TRMT6: variants seen among roughly 807,000 people sequenced by gnomAD.
TRMT6 encodes tRNA (adenine(58)-N(1))-methyltransferase non-catalytic subunit TRM6.
TRMT6 carries 34 observed loss-of-function variants against 59.0 expected under a neutral mutation model. The ratio of observed to expected loss-of-function variants is 0.58; its 90% confidence interval spans 0.44 to 0.77. The LOEUF (loss-of-function observed/expected upper bound fraction) is 0.77. Ranked by LOEUF, TRMT6 falls within the 30% of genes least tolerant of loss-of-function variation. The probability of loss-of-function intolerance (pLI) is 0.00; values close to 1 mark genes in which losing one functional copy is unlikely to be tolerated. For missense variants in TRMT6, 575 were observed against 604.5 expected (o/e 0.95, Z 0.51); for synonymous variants, 217 against 210.5 (o/e 1.03, Z -0.27).
In TRMT6 at chr20:5,943,942, G is replaced by T; in HGVS notation, c.542+6C>A. On this transcript the variant is annotated splice_donor_region_variant and intron_variant, in intron 5 of 10. Transcript: ENST00000203001. ...AATTATACTTTTGAAAGGAAACAAA[G>T]CGTACTTAATTTTTCCAGGTTCTCT... The T allele has an allele frequency of 1.2e-6, 2 of 1,603,650 alleles. No homozygotes were observed. Among genetic ancestry groups the T allele is most frequent in the Non-Finnish European group, 1.7e-6 (2 of 1,177,010 alleles).
intron 9 of TRMT6, 33 bp downstream of exon 9, chr20:5,941,210 T>C (rs2088652774): frequency 6.2e-7 from 1 of 1,608,402 alleles, no homozygotes; most frequent in African/African-American, 1.3e-5. Context: ...CATTCAGACA[T>C]AAGAATTCCT....
chr20:5,941,858 A>T, intron 8 of TRMT6, 93 bp downstream of exon 8: 1 of 1,114,502 alleles, frequency 9.0e-7, no homozygotes, highest in Non-Finnish European at 1.3e-6. Flanking sequence ...GTCCCACTAG[A>T]GTCAAAGCAG....
At chr20:5,941,527 G>C in intron 8 of TRMT6, 182 bp from the exon 9 acceptor site, 1 of 596,008 alleles carries the variant, frequency 1.7e-6, no homozygotes, top group African/African-American at 1.9e-5. Context: ...TCTAGGAAAC[G>C]CGAACTAGGT....
chr20:5,940,448 T>C (rs1452900507), intron 10 of TRMT6, among the ~76,000 whole-genome samples: 2 of 152,100 alleles, frequency 1.3e-5, no homozygotes, highest in Non-Finnish European at 2.9e-5. Context: ...CTTGGGGAAA[T>C]AAGAACCATA....
At chr20:5,944,985 T>A (rs550320793) in intron 2 of TRMT6, 71 bp from the exon 3 acceptor site, 5 of 1,238,978 alleles carry the variant, frequency 4.0e-6, no homozygotes, top group African/African-American at 1.5e-5. Flanking sequence ...TCTGAGTTCA[T>A]ATCCACATCC....
intron 1 of TRMT6, among the ~76,000 whole-genome samples, chr20:5,948,346 G>C (rs1324930483): frequency 6.6e-6 from 1 of 152,182 alleles, no homozygotes; most frequent in Non-Finnish European, 1.5e-5. Flanking sequence ...ACTTCTCAGA[G>C]AGCCTGGACT....
At chr20:5,948,205 A>G (rs2088724560) in intron 1 of TRMT6, among the ~76,000 whole-genome samples, 1 of 152,166 alleles carries the variant, frequency 6.6e-6, no homozygotes, top group African/African-American at 2.4e-5. Flanking sequence ...TGTGATATGC[A>G]GAGGGGATGA....
At chr20:5,938,821 G>A (rs2088630999) in intron 10 of TRMT6, 95 bp from the exon 11 acceptor site, 1 of 1,109,444 alleles carries the variant, frequency 9.0e-7, no homozygotes, top group South Asian at 1.9e-5. Flanking sequence ...AACAACACAG[G>A]TTCTCTTGAT....
intron 2 of TRMT6, 53 bp downstream of exon 2, chr20:5,946,353 G>A (rs1568559992): frequency 1.2e-6 from 2 of 1,611,488 alleles, no homozygotes; most frequent in East Asian, 2.2e-5. Context: ...AGGCTGAGAT[G>A]TTTCTGACTA....
At chr20:5,947,136 A>G (rs2088714643) in intron 1 of TRMT6, among the ~76,000 whole-genome samples, 1 of 152,208 alleles carries the variant, frequency 6.6e-6, no homozygotes, top group South Asian at 2.1e-4. Flanking sequence ...GAGCAATCCG[A>G]GGCCCAGGGA....
In TRMT6 at chr20:5,941,106, T is replaced by A; in HGVS notation, c.1249A>T (p.Arg417Trp). The A allele has an allele frequency of 1.9e-6, 3 of 1,614,126 alleles. No homozygotes were observed. Among genetic ancestry groups the A allele is most frequent in the Non-Finnish European group, 2.5e-6 (3 of 1,180,012 alleles). Residue 417 changes from arginine (R) to tryptophan (W), a missense_variant, in exon 10 of 11, where the codon AGG becomes TGG. Arg to Trp is a moderately radical substitution (Grantham distance 101). Transcript: ENST00000203001. Reference protein sequence around the residue: ...LLECYTKLRERGGVINLRLSE... With the variant: ...LLECYTKLREWGGVINLRLSE... ...AGCCTGAGGTTGATGACCCCTCCCC[T>A]CTCCCGCAGTTTTGTGTAGCATTCC... is the stretch of plus-strand genomic sequence containing the variant.
At chr20:5,941,425 C>T in intron 8 of TRMT6, 80 bp from the exon 9 acceptor site, 1 of 1,007,500 alleles carries the variant, frequency 9.9e-7, no homozygotes, top group Non-Finnish European at 1.5e-6. Context: ...TTAAAATGAT[C>T]ATGTATTTAA....
At chr20:5,938,896 T>C (rs2088632107) in intron 10 of TRMT6, among the ~76,000 whole-genome samples, 170 bp from the exon 11 acceptor site, 1 of 140,412 alleles carries the variant, frequency 7.1e-6, no homozygotes, top group Non-Finnish European at 1.6e-5. Context: ...TCTCCCTTCC[T>C]TCCTTCCTTC....
chr20:5,943,646 A>G lies in TRMT6; in HGVS notation c.580T>C (p.Leu194=), dbSNP rs768434354. The change falls in exon 6 of 11, where the codon TTG becomes CTG. Residue 194 remains leucine (L), a synonymous_variant. Transcript: ENST00000203001. ...RYDTLAQMLT[L]GNIRAGNKMI... ...TTGTTGCCAGCACGGATATTTCCCA[A>G]CGTCAACATCTGGGCTAGTGTATCG... 13 of 1,614,214 alleles carry G rather than the reference A, an allele frequency of 8.1e-6. No homozygotes were observed. Among genetic ancestry groups the G allele is most frequent in the East Asian group, 6.7e-5 (3 of 44,892 alleles).
chr20:5,942,844 C>T, intron 6 of TRMT6, 58 bp from the exon 7 acceptor site: 1 of 1,299,544 alleles, frequency 7.7e-7, no homozygotes, highest in Non-Finnish European at 1.1e-6. Context: ...CTACGTAAAC[C>T]CTCAGTGAGT....
rs769290682 is a variant in TRMT6 at position 5,941,122 on chromosome 20, G to A, written c.1233C>T (p.Tyr411=). The A allele has an allele frequency of 6.2e-7, 1 of 1,614,170 alleles. No homozygotes were observed. Among genetic ancestry groups the A allele is most frequent in the Non-Finnish European group, 8.5e-7 (1 of 1,179,986 alleles). Residue 411 remains tyrosine, a synonymous_variant, in exon 10 of 11, where the codon TAC becomes TAT. Coordinates refer to ENST00000203001, the MANE Select transcript of TRMT6 (RefSeq NM_015939.5). The stretch of plus-strand genomic sequence containing the variant: ...CCCCTCCCCTCTCCCGCAGTTTTGT[G>A]TAGCATTCCAACAGAGGCTGCAGAC... ...CQYKEPLLEC[Y]TKLRERGGVI... is the part of the protein sequence containing the mutation.
At position 5,938,654 on chromosome 20, in the gene TRMT6, C is replaced by T. The variant is rs1244086763; in HGVS notation, c.1375G>A (p.Val459Ile). Residue 459 changes from valine (V) to isoleucine (I), a missense_variant, in exon 11 of 11, where the codon GTT (valine) becomes ATT (isoleucine). Transcript: ENST00000203001. ...GGGYLLSGFT[V>I]AMDNLKADTS... ...TCTGCTTTAAGGTTGTCCATGGCAA[C>T]GGTGAAGCCGGAGAGAAGATAACCC... 31 of 1,614,046 alleles carry T rather than the reference C, an allele frequency of 1.9e-5. No homozygotes were observed. The highest frequency in any genetic ancestry group is 5.3e-5 in the African/African-American group (4 of 74,906).
In TRMT6 at chr20:5,950,203, T is replaced by C. The variant is rs555514485; in HGVS notation, c.128+75A>G. ...GAATGGCACCCTGGCGGAAGAATTC[T>C]GTGGAGAAACCTGGAGGGAGGGGGT... On this transcript the variant is annotated intron_variant, in intron 1 of 10. Coordinates refer to ENST00000203001, the MANE Select transcript of TRMT6 (RefSeq NM_015939.5). The C allele has an allele frequency of 4.1e-6, 6 of 1,461,856 alleles. No individual in the cohort carries two copies. The African/African-American group carries it at 8.7e-5, about 21-fold the overall frequency. 90.6% of individuals were successfully genotyped at this position (1,461,856 alleles called of 1,614,324 possible).
intron 3 of TRMT6, among the ~76,000 whole-genome samples, 175 bp downstream of exon 3, chr20:5,944,630 T>C (rs1295002910): frequency 4.6e-5 from 7 of 152,246 alleles, no homozygotes; most frequent in Non-Finnish European, 1.0e-4. Context: ...TATATTCCTG[T>C]ATATAAGACA....
Sources: allele counts gnomAD v4.1 joint callset (sites outside exome capture counted in the v4.1 genomes callset), GRCh38; gene constraint gnomAD v4.1.1; transcripts MANE v1.5; gene names NCBI Gene and HGNC (gene_info 2026-07-23, HGNC 2026-07-21).